Variants in EPB41L4A observed in about 807,000 individuals in gnomAD.
EPB41L4A encodes erythrocyte membrane protein band 4.1 like 4A, also known as band 4.1-like protein 4A.
A neutral mutation model predicts 108.6 loss-of-function variants in EPB41L4A; 100 were observed. The ratio of observed to expected loss-of-function variants is 0.92; its 90% CI spans 0.78 to 1.09. EPB41L4A has a LOEUF of 1.09. EPB41L4A is among the 50% of genes least tolerant of loss of function. The pLI is 0.00. For missense variants in EPB41L4A, 1,030 were observed against 842.7 expected, an observed-to-expected ratio of 1.22 and a Z score of -2.75; for synonymous variants, 319 against 289.0, an observed-to-expected ratio of 1.10 and a Z score of -1.05.
intron 9 of EPB41L4A, among the ~76,000 whole-genome samples, chr5:112,253,636 T>C (rs1367239949): frequency 6.6e-6 from 1 of 152,156 alleles, no homozygotes; most frequent in African/African-American, 2.4e-5. Flanking sequence ...AATACACACT[T>C]ACATATTTAT....
intron 12 of EPB41L4A, among the ~76,000 whole-genome samples, chr5:112,157,417 G>A (rs1166339533): frequency 6.6e-6 from 1 of 152,184 alleles, no homozygotes; most frequent in Non-Finnish European, 1.5e-5. Flanking sequence ...ACCCCTTATA[G>A]GTTATATTAG....
chr5:112,208,243 T>C (rs1373939506), intron 13 of EPB41L4A, among the ~76,000 whole-genome samples: 1 of 20,872 alleles, frequency 4.8e-5, no homozygotes, highest in Non-Finnish European at 8.7e-5. Flanking sequence ...AGACTCCATC[T>C]CAAAAAAAAA....
intron 1 of EPB41L4A, among the ~76,000 whole-genome samples, chr5:112,392,249 A>T (rs1368554799): frequency 1.3e-4 from 20 of 152,048 alleles, no homozygotes; most frequent in Non-Finnish European, 2.8e-4. Flanking sequence ...GTAAATGAGC[A>T]AAATGCCCCA....
chr5:112,403,799 A>G (rs547403353), intron 1 of EPB41L4A, among the ~76,000 whole-genome samples: 17 of 152,288 alleles, frequency 1.1e-4, no homozygotes, highest in Non-Finnish European at 1.9e-4. Context: ...ATCTCCATCA[A>G]GTGAACAAGG....
chr5:112,340,457 C>A (rs1321799158), intron 1 of EPB41L4A, among the ~76,000 whole-genome samples: 1 of 152,178 alleles, frequency 6.6e-6, no homozygotes, highest in Non-Finnish European at 1.5e-5. Context: ...TTAACCATGA[C>A]CCCTGCTTTG....
chr5:112,301,332 C>T (rs1033828246), intron 2 of EPB41L4A, among the ~76,000 whole-genome samples: 1 of 152,114 alleles, frequency 6.6e-6, no homozygotes, highest in African/African-American at 2.4e-5. Flanking sequence ...TCTTTTGTCC[C>T]ATGGGGTGTT....
At chr5:112,339,320 T>C (rs1221478693) in intron 1 of EPB41L4A, among the ~76,000 whole-genome samples, 1 of 152,030 alleles carries the variant, frequency 6.6e-6, no homozygotes, top group East Asian at 1.9e-4. Context: ...CCCCCATAAA[T>C]AAACTGGCTC....
At chr5:112,392,676 A>T (rs918528878) in intron 1 of EPB41L4A, 15 of 152,232 alleles carry the variant, frequency 9.9e-5, no homozygotes, top group African/African-American at 3.6e-4. Context: ...TATTAGACAG[A>T]TCAATGAGAC....
At chr5:112,151,175 A>G (rs574594651) in intron 12 of EPB41L4A, among the ~76,000 whole-genome samples, 4 of 152,246 alleles carry the variant, frequency 2.6e-5, no homozygotes, top group Admixed American at 6.5e-5. Context: ...GAGATGCAGG[A>G]GAGAATGATG....
intron 12 of EPB41L4A, among the ~76,000 whole-genome samples, chr5:112,152,687 G>T (rs369990378): frequency 1.3e-5 from 2 of 152,160 alleles, no homozygotes; most frequent in South Asian, 2.1e-4. Flanking sequence ...AGCAGGAATG[G>T]ACTAAGATGA....
intron 12 of EPB41L4A, among the ~76,000 whole-genome samples, chr5:112,217,063 G>A (rs1196548321): frequency 6.6e-6 from 1 of 151,450 alleles, no homozygotes; most frequent in African/African-American, 2.4e-5. Context: ...TACCATCTCA[G>A]CCTCCCGAGT....
At chr5:112,285,315 T>C (rs905752944) in intron 2 of EPB41L4A, among the ~76,000 whole-genome samples, 1 of 152,174 alleles carries the variant, frequency 6.6e-6, no homozygotes, top group Non-Finnish European at 1.5e-5. Flanking sequence ...CATGTACCAT[T>C]GACAACAGAG....
intron 2 of EPB41L4A, among the ~76,000 whole-genome samples, chr5:112,281,645 C>T (rs887331162): frequency 9.9e-5 from 15 of 152,260 alleles, no homozygotes; most frequent in South Asian, 2.1e-4. Context: ...CTTTGAGCCA[C>T]GTTCCATCCA....
chr5:112,306,846 C>G (rs539185972), intron 2 of EPB41L4A, among the ~76,000 whole-genome samples: 1 of 152,152 alleles, frequency 6.6e-6, no homozygotes, highest in African/African-American at 2.4e-5. Context: ...TTGTGAACAA[C>G]TGACATAAGA....
intron 18 of EPB41L4A, chr5:112,183,286 C>T (rs1233605354): frequency 1.3e-5 from 2 of 152,252 alleles, no homozygotes; most frequent in African/African-American, 4.8e-5. Context: ...GACTTAATCC[C>T]TCCTCCTGTG....
chr5:112,323,879 T>C (rs1755971711), intron 1 of EPB41L4A, among the ~76,000 whole-genome samples: 1 of 152,196 alleles, frequency 6.6e-6, no homozygotes, highest in African/African-American at 2.4e-5. Flanking sequence ...AGATTAGCAT[T>C]AGATTTCTCA....
At chr5:112,367,384 T>C (rs1488660736) in intron 1 of EPB41L4A, among the ~76,000 whole-genome samples, 1 of 152,244 alleles carries the variant, frequency 6.6e-6, no homozygotes, top group African/African-American at 2.4e-5. Flanking sequence ...AGACCTTTAA[T>C]GAAGCACTAG....
chr5:112,222,139 G>A (rs976274920), intron 12 of EPB41L4A, among the ~76,000 whole-genome samples: 3 of 152,170 alleles, frequency 2.0e-5, no homozygotes, highest in Non-Finnish European at 4.4e-5. Context: ...AGTAAAAGTA[G>A]GCTGACTCTG....
chr5:112,227,302 T>A (rs1331740048), intron 12 of EPB41L4A, among the ~76,000 whole-genome samples: 8 of 152,114 alleles, frequency 5.3e-5, no homozygotes, highest in Non-Finnish European at 1.0e-4. Context: ...AATAACATCA[T>A]CCTTTGTATA....
Sources: allele counts gnomAD v4.1 joint callset (sites outside exome capture counted in the v4.1 genomes callset), GRCh38; gene constraint gnomAD v4.1.1; transcripts MANE v1.5; gene names NCBI Gene and HGNC (gene_info 2026-07-23, HGNC 2026-07-21).